Variants in CREB1 observed in about 807,000 individuals in gnomAD.
The protein encoded by CREB1 is cyclic AMP-responsive element-binding protein 1.
A neutral mutation model predicts 42.0 loss-of-function variants in CREB1; 2 were observed. That is an observed-to-expected ratio of 0.05 (90% CI 0.02 to 0.15). The LOEUF is 0.15. CREB1 is among the 10% of genes least tolerant of loss of function. The pLI is 1.00. For missense variants in CREB1, 199 were observed against 388.9 expected (o/e 0.51, Z 4.11); for synonymous variants, 123 against 139.9 (o/e 0.88, Z 0.85).
At chr2:207,593,369 TAATAA>T (rs923551398) in intron 7 of CREB1, among the ~76,000 whole-genome samples, 7 of 152,092 alleles carry the variant, frequency 4.6e-5, no homozygotes, top group African/African-American at 9.6e-5. Context: ...CTACAAAAAA[TAATAA>T]AATAAATTAG....
rs180687906 is a variant in CREB1, at chr2:207,553,363, C to T, written c.-8-2265C>T. ...GGATTACAGGCGTGAGCCATCGCGC[C>T]GGGCCCAGGTAAACTTTTGTTGTTG... On this transcript the variant is annotated intron_variant, in intron 1 of 7. Coordinates refer to ENST00000353267, the MANE Select transcript of CREB1 (RefSeq NM_004379.5). Among the ~76,000 whole-genome samples the T allele has an allele frequency of 8.9e-4, 135 of 152,268 alleles. 1 individual carries two copies. Among genetic ancestry groups the T allele is most frequent in the Middle Eastern group, 3.4e-3 (1 of 294 alleles).
intron 5 of CREB1, among the ~76,000 whole-genome samples, 196 bp downstream of exon 5, chr2:207,570,517 G>A (rs1319128200): frequency 6.6e-6 from 1 of 152,158 alleles, no homozygotes; most frequent in Admixed American, 6.5e-5. Context: ...GAGAGTTTTA[G>A]TTAGGATTAG....
chr2:207,571,227 AG>A (rs1290723672), intron 5 of CREB1, among the ~76,000 whole-genome samples: 1 of 151,988 alleles, frequency 6.6e-6, no homozygotes, highest in African/African-American at 2.4e-5. Context: ...TAAAAGTTTG[AG>A]GCCAGGCACA....
chr2:207,565,097 G>C lies in CREB1; in HGVS notation c.262-2366G>C, dbSNP rs1349605777. Among the ~76,000 whole-genome samples the C allele has an allele frequency of 4.0e-5, 6 of 151,348 alleles. No homozygotes were observed. The East Asian group carries it at 1.2e-3, about 29-fold the overall frequency. On this transcript the variant is annotated intron_variant, in intron 3 of 7. Transcript: ENST00000353267. Reference sequence around the variant, plus strand: ...AGCAAAATTGAGAGGAAGCTACAGAGATTACCTGTATACTCCCTCCCCAAC... The same window carrying C: ...AGCAAAATTGAGAGGAAGCTACAGACATTACCTGTATACTCCCTCCCCAAC...
At chr2:207,540,827 CAA>C (rs2081072641) in intron 1 of CREB1, among the ~76,000 whole-genome samples, 1 of 151,720 alleles carries the variant, frequency 6.6e-6, no homozygotes, top group African/African-American at 2.4e-5. Flanking sequence ...TGTGTTATTA[CAA>C]AAGAGTTGAC....
At chr2:207,542,679 T>A (rs2081141866) in intron 1 of CREB1, among the ~76,000 whole-genome samples, 1 of 152,182 alleles carries the variant, frequency 6.6e-6, no homozygotes, top group Non-Finnish European at 1.5e-5. Context: ...TTCATCTAAT[T>A]TTTCTTTTCT....
Position 207,570,181 on chromosome 2 carries a change from A to C in CREB1, c.365A>C (p.Lys122Thr). 6.3e-7 allele frequency: 1 copy of C among 1,596,478 alleles called. No individual in the cohort carries two copies. Among genetic ancestry groups the C allele is most frequent in the Non-Finnish European group, 8.5e-7 (1 of 1,174,508 alleles). The part of the protein sequence containing the change: ...EILSRRPSYR[K>T]ILNDLSSDAP... ...ATTCTAGTTTTCTAATTTTGTAGGA[A>C]AATTTTGAATGACTTATCTTCTGAT... The change falls in exon 5 of 8, where the codon AAA (lysine) becomes ACA (threonine). Residue 122 changes from lysine (K) to threonine (T), a missense_variant and splice_region_variant. Around this residue, in one of 4 missense-constraint regions of CREB1, gnomAD observed 66 missense variants for 150.8 expected, o/e 0.44. Coordinates refer to ENST00000353267, the MANE Select transcript of CREB1 (RefSeq NM_004379.5).
chr2:207,550,533 T>G (rs1331318738), intron 1 of CREB1: 1 of 152,160 alleles, frequency 6.6e-6, no homozygotes, highest in African/African-American at 2.4e-5. Context: ...AAACTTGAAC[T>G]AGAATGTTGA....
chr2:207,548,490 C>T (rs1193778531), intron 1 of CREB1, among the ~76,000 whole-genome samples: 1 of 152,068 alleles, frequency 6.6e-6, no homozygotes, highest in Admixed American at 6.6e-5. Flanking sequence ...GTGGCTCACA[C>T]CTGTAATCCC....
chr2:207,565,488 CTT>C (rs574018651), intron 3 of CREB1, among the ~76,000 whole-genome samples: 9 of 135,154 alleles, frequency 6.7e-5, no homozygotes, highest in Non-Finnish European at 6.4e-5. Context: ...GAAAGGCAAC[CTT>C]TTTTTTTTTT....
rs1423271052 is a variant in CREB1 at position 207,605,983 on chromosome 2, C to T, written c.*8925C>T. Among the ~76,000 whole-genome samples, 1 of 152,162 alleles carries T rather than the reference C, an allele frequency of 6.6e-6. No individual in the cohort carries two copies. The highest frequency in any genetic ancestry group is 6.5e-5 in the Admixed American group (1 of 15,280). On this transcript the variant is annotated 3_prime_UTR_variant, in exon 8 of 8. Transcript: ENST00000353267. ...TTTCTGGAATTAAAATTAGAAGTGG[C>T]ACAGACTTTCATAAGGCTTTCCTTT...
intron 6 of CREB1, 141 bp downstream of exon 6, chr2:207,575,595 A>G (rs2082541450): frequency 1.4e-6 from 1 of 732,176 alleles, no homozygotes; most frequent in Non-Finnish European, 2.1e-6. Flanking sequence ...AGTATTTTTC[A>G]TGAACTCTTC....
intron 3 of CREB1, among the ~76,000 whole-genome samples, chr2:207,564,060 C>G (rs2082051456): frequency 6.6e-6 from 1 of 151,872 alleles, no homozygotes; most frequent in African/African-American, 2.4e-5. Context: ...TTATGCTTAT[C>G]ATATCTCTTT....
chr2:207,559,968 T>C (rs1258004137), intron 2 of CREB1, among the ~76,000 whole-genome samples: 3 of 152,210 alleles, frequency 2.0e-5, no homozygotes, highest in Non-Finnish European at 4.4e-5. Flanking sequence ...CTGTATTACA[T>C]ATTTGGTATA....
chr2:207,535,973 A>G lies in CREB1; in HGVS notation c.-9+5839A>G, dbSNP rs138635708. 3.9e-3 allele frequency among the ~76,000 whole-genome samples: 595 copies of G among 151,906 alleles called. 2 individuals are homozygous for G. Among genetic ancestry groups the G allele is most frequent in the South Asian group, 0.011 (53 of 4,808 alleles). On this transcript the variant is annotated intron_variant, in intron 1 of 7. Coordinates refer to ENST00000353267, the MANE Select transcript of CREB1 (RefSeq NM_004379.5). ...GTGAGTGGGACAACAGGCGCGCACC[A>G]CCAGGCCCGGCTAATTTTTTGTAGA...
At chr2:207,555,783 C>G in intron 2 of CREB1, 34 bp downstream of exon 2, 1 of 1,382,450 alleles carries the variant, frequency 7.2e-7, no homozygotes, top group Non-Finnish European at 1.0e-6. Flanking sequence ...CAGTTTGTGT[C>G]TCTTCCTAGA....
chr2:207,550,838 G>C (rs2081476007), intron 1 of CREB1, among the ~76,000 whole-genome samples: 1 of 152,258 alleles, frequency 6.6e-6, no homozygotes. Flanking sequence ...CTTGTACTGA[G>C]AACCTCCAAC....
At chr2:207,536,175 CTTTT>C (rs1401718373) in intron 1 of CREB1, among the ~76,000 whole-genome samples, 2 of 152,168 alleles carry the variant, frequency 1.3e-5, no homozygotes, top group African/African-American at 4.8e-5. Context: ...CACACTATGA[CTTTT>C]TTGAGTTGAT....
intron 1 of CREB1, among the ~76,000 whole-genome samples, chr2:207,551,426 G>A (rs974826061): frequency 1.3e-5 from 2 of 152,108 alleles, no homozygotes; most frequent in Non-Finnish European, 2.9e-5. Flanking sequence ...TAACTCTAAC[G>A]ACAGTTATGA....
Sources: gnomAD v4.1 joint callset for allele counts (sites outside exome capture counted in the v4.1 genomes callset) on GRCh38, gnomAD v4.1.1 for gene constraint, gnomAD v4.1.1 regional missense constraint, MANE v1.5 for transcripts, NCBI Gene and HGNC (gene_info 2026-07-23, HGNC 2026-07-21) for gene names.